Variants in KIF15 observed in about 807,000 individuals in gnomAD.
KIF15 encodes kinesin-like protein KIF15.
A neutral mutation model predicts 190.6 loss-of-function variants in KIF15; 140 were observed. The ratio of observed to expected loss-of-function variants is 0.73; its 90% CI spans 0.64 to 0.84. The LOEUF (loss-of-function observed/expected upper bound fraction) is 0.84, where lower values mean the gene tolerates loss of function less well. Among genes scored for constraint, KIF15 ranks in the 40% least tolerant of loss-of-function variants. The pLI, the probability that KIF15 is intolerant of heterozygous loss-of-function variation, is 0.00. For missense variants in KIF15, 1,372 were observed against 1,584.4 expected, an observed-to-expected ratio of 0.87 and a Z score of 2.28; for synonymous variants, 528 against 551.3, an observed-to-expected ratio of 0.96 and a Z score of 0.59.
At chr3:44,806,972 A>G (rs1345052227) in intron 16 of KIF15, among the ~76,000 whole-genome samples, 1 of 151,352 alleles carries the variant, frequency 6.6e-6, no homozygotes, top group Non-Finnish European at 1.5e-5. Flanking sequence ...TCTCGAACTC[A>G]TGACCTCGTG....
chr3:44,777,798 C>A (rs527303008), intron 3 of KIF15, among the ~76,000 whole-genome samples: 1 of 152,252 alleles, frequency 6.6e-6, no homozygotes, highest in South Asian at 2.1e-4. Flanking sequence ...CTGTTCAGTG[C>A]AAACTTATGA....
At chr3:44,772,550 T>C (rs181619826) in intron 1 of KIF15, among the ~76,000 whole-genome samples, 2 of 152,370 alleles carry the variant, frequency 1.3e-5, no homozygotes, top group African/African-American at 4.8e-5. Flanking sequence ...AATATACTTA[T>C]AACTTGGATA....
At chr3:44,797,757 A>G (rs1325816247) in intron 9 of KIF15, 77 bp from the exon 10 acceptor site, 63 of 1,602,590 alleles carry the variant, frequency 3.9e-5, no homozygotes, top group Non-Finnish European at 5.3e-5. Context: ...CCTTGGTGGC[A>G]AGAGTATACA....
At chr3:44,831,681 T>G (rs1698080236) in intron 26 of KIF15, among the ~76,000 whole-genome samples, 1 of 152,226 alleles carries the variant, frequency 6.6e-6, no homozygotes, top group African/African-American at 2.4e-5. Context: ...TTTTTGTTGT[T>G]GATGATGTGA....
chr3:44,862,085 C>T, intron 6 of KIF15: 3 of 1,300,892 alleles, frequency 2.3e-6, no homozygotes, highest in Non-Finnish European at 2.9e-6. Context: ...GCCCTGGCCG[C>T]CGCCTCCGCC....
chr3:44,780,636 A>C (rs555322930), intron 4 of KIF15, among the ~76,000 whole-genome samples: 4 of 152,346 alleles, frequency 2.6e-5, no homozygotes, highest in African/African-American at 9.6e-5. Context: ...GGTAAATAAA[A>C]ATTAAATGAA....
At chr3:44,782,129 A>C (rs575098173) in intron 5 of KIF15, among the ~76,000 whole-genome samples, 2 of 152,138 alleles carry the variant, frequency 1.3e-5, no homozygotes, top group East Asian at 3.9e-4. Context: ...GGCTCACTGC[A>C]ACCTTTGCCT....
chr3:44,797,084 A>G (rs931836017), intron 8 of KIF15, among the ~76,000 whole-genome samples: 2 of 151,982 alleles, frequency 1.3e-5, no homozygotes, highest in African/African-American at 2.4e-5. Flanking sequence ...TTGTAGTGCA[A>G]TGGCACAATC....
intron 3 of KIF15, among the ~76,000 whole-genome samples, chr3:44,777,173 T>C (rs1705930887): frequency 6.6e-6 from 1 of 151,950 alleles, no homozygotes; most frequent in African/African-American, 2.4e-5. Flanking sequence ...AAATTTTAAA[T>C]TTTTTGTAGA....
At chr3:44,825,013 G>A (rs981647431) in intron 20 of KIF15, among the ~76,000 whole-genome samples, 7 of 152,162 alleles carry the variant, frequency 4.6e-5, no homozygotes, top group African/African-American at 1.7e-4. Flanking sequence ...ACCCACCTCA[G>A]CTTCCCAAAG....
intron 34 of KIF15, 36 bp downstream of exon 34, chr3:44,852,375 G>C: frequency 6.4e-7 from 1 of 1,561,352 alleles, no homozygotes; most frequent in South Asian, 1.2e-5. Flanking sequence ...AATTCTGTCT[G>C]GTTTAAAAAT....
intron 6 of KIF15, among the ~76,000 whole-genome samples, chr3:44,785,499 C>G (rs1195497133): frequency 6.6e-6 from 1 of 152,232 alleles, no homozygotes; most frequent in Non-Finnish European, 1.5e-5. Context: ...TGGGCCTTCT[C>G]ACAGTTGTGC....
chr3:44,768,528 C>T (rs1381778843), intron 1 of KIF15, among the ~76,000 whole-genome samples: 4 of 148,642 alleles, frequency 2.7e-5, no homozygotes, highest in Non-Finnish European at 6.0e-5. Flanking sequence ...TCTCCCAGGG[C>T]GCATGTGGGC....
intron 30 of KIF15, among the ~76,000 whole-genome samples, chr3:44,846,110 G>A (rs555957684): frequency 1.3e-5 from 2 of 152,324 alleles, no homozygotes; most frequent in East Asian, 3.9e-4. Context: ...AGTAGCAGCA[G>A]TAGTTATGGC....
chr3:44,803,019 C>T (rs1054877629), intron 14 of KIF15, 28 bp downstream of exon 14: 1 of 1,559,222 alleles, frequency 6.4e-7, no homozygotes, highest in African/African-American at 1.4e-5. Context: ...TATATACGTG[C>T]CATGTAGGAA....
chr3:44,816,253 T>A (rs562889996), intron 20 of KIF15, among the ~76,000 whole-genome samples: 18 of 152,324 alleles, frequency 1.2e-4, no homozygotes, highest in Admixed American at 2.6e-4. Context: ...AAAATTTTTT[T>A]AAATTTTACT....
chr3:44,847,948 T>C, intron 30 of KIF15, 37 bp from the exon 31 acceptor site: 1 of 1,450,710 alleles, frequency 6.9e-7, no homozygotes. Context: ...TAGCAGTGTT[T>C]TCCTATGCCT....
intron 8 of KIF15, among the ~76,000 whole-genome samples, chr3:44,795,904 C>T (rs11921534): frequency 7.2e-4 from 110 of 152,206 alleles, no homozygotes; most frequent in African/African-American, 2.6e-3. Context: ...ACTCTGTCAC[C>T]CAGCTGGAGT....
chr3:44,838,126 T>C, intron 26 of KIF15, 149 bp from the exon 27 acceptor site: 1 of 681,118 alleles, frequency 1.5e-6, no homozygotes. Flanking sequence ...AACTGATTAC[T>C]TTGTCTTAGA....
Sources: allele counts gnomAD v4.1 joint callset (sites outside exome capture counted in the v4.1 genomes callset), GRCh38; gene constraint gnomAD v4.1.1; transcripts MANE v1.5; gene names NCBI Gene and HGNC (gene_info 2026-07-23, HGNC 2026-07-21).